Variants in AMELX observed in about 807,000 individuals in gnomAD.
The protein encoded by AMELX is amelogenin X-linked.
In AMELX, 9 loss-of-function variants were observed where a neutral mutation model predicts 15.8. The observed-to-expected ratio is 0.57, with a 90% CI of 0.34 to 0.99. The LOEUF is 0.99. Ranked by LOEUF, AMELX falls within the 50% of genes least tolerant of loss-of-function variation. AMELX has a pLI of 0.02. For synonymous variants in AMELX, 61 were observed against 58.8 expected (o/e 1.04, Z -0.17); for missense variants, 107 against 156.2 (o/e 0.68, Z 1.68).
At chrX:11,304,777 CTTTTTTTTTTTTTTTT>C (rs953912280), downstream of AMELX, among the ~76,000 whole-genome samples, 2 of 50,308 alleles carry the variant, frequency 4.0e-5, no homozygotes, top group South Asian at 1.1e-3. Context: ...CTTTCTTTTA[CTTTTTTTTTTTTTTTT>C]TTTTTTTTTT....
chrX:11,296,308 C>T (rs1327706021), intron 2 of AMELX, among the ~76,000 whole-genome samples: 1 of 112,139 alleles, frequency 8.9e-6, no homozygotes, highest in Non-Finnish European at 1.9e-5. Context: ...AGGGAACATT[C>T]GTGAGACAAT....
At position 11,295,779 on chromosome X, in the gene AMELX, A is replaced by T. The variant is rs150971901; in HGVS notation, c.54+937A>T. ...ATTGTTCAAGAGGGTATAGGACCTG[A>T]CTAAAACCATTCACATCCAGATGAG... On this transcript the variant is annotated intron_variant, in intron 2 of 5. Transcript: ENST00000380714. Among the ~76,000 whole-genome samples, 286 of 112,166 alleles carry T rather than the reference A, an allele frequency of 2.5e-3. 2 individuals carry two copies. Among genetic ancestry groups the T allele is most frequent in the African/African-American group, 8.9e-3 (274 of 30,870 alleles).
chrX:11,298,537 T>C lies in AMELX; in HGVS notation c.145-11T>C. 8.3e-7 allele frequency: 1 copy of C among 1,211,308 alleles called. No individual in the cohort carries two copies. Among genetic ancestry groups the C allele is most frequent in the Non-Finnish European group, 1.1e-6 (1 of 895,430 alleles). On this transcript the variant is annotated splice_polypyrimidine_tract_variant and intron_variant, in intron 4 of 5. Transcript: ENST00000380714. ...AGCCAATGGTAAACCTGCCTCTCTG[T>C]TTCTCACCAGTACCCTTCCTATGGT... is the stretch of plus-strand genomic sequence containing the variant.
At chrX:11,293,651 T>C (rs1455450487) in intron 1 of AMELX, among the ~76,000 whole-genome samples, 183 bp downstream of exon 1, 1 of 112,125 alleles carries the variant, frequency 8.9e-6, no homozygotes, top group African/African-American at 3.2e-5. Flanking sequence ...AACTTTATAA[T>C]GCAACAAAGT....
chrX:11,296,576 G>A (rs937988132), intron 2 of AMELX, among the ~76,000 whole-genome samples: 2 of 111,750 alleles, frequency 1.8e-5, no homozygotes, highest in Non-Finnish European at 3.8e-5. Flanking sequence ...AAAATAAAAG[G>A]TCTCCTCTTC....
At chrX:11,295,528 T>C (rs1394450733) in intron 2 of AMELX, among the ~76,000 whole-genome samples, 1 of 111,260 alleles carries the variant, frequency 9.0e-6, no homozygotes, top group Non-Finnish European at 1.9e-5. Flanking sequence ...AGAACTTAGA[T>C]CACATGCATG....
chrX:11,296,640 T>C, intron 2 of AMELX, 139 bp from the exon 3 acceptor site: 1 of 694,935 alleles, frequency 1.4e-6, no homozygotes, highest in Non-Finnish European at 2.2e-6. Context: ...TTCTGCACTA[T>C]ATAGATTTTT....
intron 5 of AMELX, 108 bp downstream of exon 5, chrX:11,299,081 A>T: frequency 4.2e-6 from 4 of 948,661 alleles, no homozygotes; most frequent in Non-Finnish European, 5.9e-6. Context: ...GAGTTGTAGT[A>T]GTTACAGGTC....
chrX:11,297,710 T>G (rs1456040440), intron 3 of AMELX, among the ~76,000 whole-genome samples: 1 of 112,211 alleles, frequency 8.9e-6, no homozygotes, highest in Non-Finnish European at 1.9e-5. Flanking sequence ...AGGCAAGATT[T>G]TCTGTTGAAC....
chrX:11,307,130 T>G, the AMELX span, among the ~76,000 whole-genome samples: 5 of 110,821 alleles, frequency 4.5e-5, no homozygotes, highest in Non-Finnish European at 9.4e-5. Flanking sequence ...CTCTCACTGA[T>G]TAGTTCAATG....
In AMELX at chrX:11,296,768, C is replaced by T; in HGVS notation, c.55-11C>T. On this transcript the variant is annotated splice_polypyrimidine_tract_variant and intron_variant, in intron 2 of 5. Transcript: ENST00000380714. Reference sequence around the variant, plus strand: ...TCTCTTTCTATTCTCCTCCCCTCCTCCCTGTAAAAGCTACCACCTCATCCT... The same window carrying T: ...TCTCTTTCTATTCTCCTCCCCTCCTTCCTGTAAAAGCTACCACCTCATCCT... 8.3e-7 allele frequency: 1 copy of T among 1,207,353 alleles called. No homozygotes were observed. Among genetic ancestry groups the T allele is most frequent in the Non-Finnish European group, 1.1e-6 (1 of 891,710 alleles).
intron 5 of AMELX, 70 bp from the exon 6 acceptor site, chrX:11,300,537 G>T (rs2048158464): frequency 1.1e-6 from 1 of 914,643 alleles, no homozygotes; most frequent in Non-Finnish European, 1.6e-6. Context: ...AGCCAGACAT[G>T]TTATTGTAAA....
downstream of AMELX, among the ~76,000 whole-genome samples, chrX:11,302,161 A>G (rs189753985): frequency 3.6e-4 from 40 of 112,561 alleles, 1 homozygote; most frequent in African/African-American, 1.3e-3. Context: ...CCTCCGTCAT[A>G]GTAGACACAT....
chrX:11,294,940 T>C (rs2048056512), intron 2 of AMELX, 98 bp downstream of exon 2: 1 of 889,727 alleles, frequency 1.1e-6, no homozygotes, highest in South Asian at 2.0e-5. Context: ...TAAAACAGTA[T>C]GAGATCAGAT....
downstream of AMELX, among the ~76,000 whole-genome samples, chrX:11,305,409 T>C (rs2048227686): frequency 8.9e-6 from 1 of 112,015 alleles, no homozygotes; most frequent in Admixed American, 9.4e-5. Context: ...TTAAAAACCG[T>C]CCGACAGAAG....
chrX:11,297,962 A>C, intron 3 of AMELX: 1 of 621,287 alleles, frequency 1.6e-6, no homozygotes, highest in Non-Finnish European at 2.7e-6. Flanking sequence ...ACTCCCCATA[A>C]CCTTATCTAA....
chrX:11,298,522 A>G (rs2048122173), intron 4 of AMELX, 26 bp from the exon 5 acceptor site: 1 of 1,208,932 alleles, frequency 8.3e-7, no homozygotes. Context: ...AGCCAATGGT[A>G]AACCTGCCTC....
the AMELX span, among the ~76,000 whole-genome samples, chrX:11,309,506 G>A: frequency 3.6e-5 from 4 of 110,979 alleles, no homozygotes; most frequent in Non-Finnish European, 7.6e-5. Flanking sequence ...AGTTCTGAAA[G>A]TCCTCCCCAG....
downstream of AMELX, among the ~76,000 whole-genome samples, chrX:11,304,299 A>G (rs2048209093): frequency 9.0e-6 from 1 of 110,602 alleles, no homozygotes; most frequent in African/African-American, 3.3e-5. Flanking sequence ...CATGTTGGCC[A>G]GGCTGGTCTT....
Sources: gnomAD v4.1 joint callset for allele counts (sites outside exome capture counted in the v4.1 genomes callset) on GRCh38, gnomAD v4.1.1 for gene constraint, MANE v1.5 for transcripts, NCBI Gene and HGNC (gene_info 2026-07-23, HGNC 2026-07-21) for gene names.